PATJ: variants seen among roughly 807,000 people sequenced by gnomAD.
PATJ encodes the protein inaD-like protein.
PATJ carries 190 observed loss-of-function variants against 224.9 expected under a neutral mutation model. The ratio of observed to expected loss-of-function variants is 0.84; its 90% confidence interval spans 0.75 to 0.95. The LOEUF (loss-of-function observed/expected upper bound fraction) is 0.95, where lower values mean the gene tolerates loss of function less well. PATJ is among the 40% of genes least tolerant of loss of function. PATJ has a pLI of 0.00. For missense variants in PATJ, 2,121 were observed against 2,270.3 expected, an observed-to-expected ratio of 0.93 and a Z score of 1.34; for synonymous variants, 769 against 820.3, an observed-to-expected ratio of 0.94 and a Z score of 1.07.
chr1:62,030,398 G>A (rs147304787), intron 29 of PATJ, among the ~76,000 whole-genome samples: 328 of 152,170 alleles, frequency 2.2e-3, no homozygotes, highest in African/African-American at 7.5e-3. Context: ...AAGTTGTTTT[G>A]TATCTTATTT....
Position 61,769,323 on chromosome 1 carries a change from C to G in PATJ, c.425C>G (p.Thr142Ser). 6.2e-7 allele frequency: 1 copy of G among 1,613,720 alleles called. No individual in the cohort carries two copies. Among genetic ancestry groups the G allele is most frequent in the Non-Finnish European group, 8.5e-7 (1 of 1,179,886 alleles). ...TATATAGATATAGAACGGCCTTCAA[C>G]TGGAGGCCTTGGATTCAGTGTGGTG... ...IEYIDIERPS[T>S]GGLGFSVVAL... The change falls in exon 5 of 44, where the codon ACT (threonine) becomes AGT (serine). Residue 142 changes from threonine (T) to serine (S), a missense_variant. Thr to Ser is a moderately conservative substitution (Grantham distance 58). Coordinates refer to ENST00000642238, the MANE Select transcript of PATJ (RefSeq NM_001350145.3).
intron 27 of PATJ, among the ~76,000 whole-genome samples, chr1:61,960,493 C>T (rs909391901): frequency 5.3e-5 from 8 of 151,786 alleles, no homozygotes; most frequent in Admixed American, 1.3e-4. Flanking sequence ...GAAACCCCGT[C>T]TCTACTAAAA....
intron 19 of PATJ, among the ~76,000 whole-genome samples, chr1:61,862,716 T>C (rs1478464586): frequency 6.6e-6 from 1 of 152,286 alleles, no homozygotes; most frequent in Non-Finnish European, 1.5e-5. Flanking sequence ...AGAAGAGTTA[T>C]TTAGTCAAAC....
chr1:61,766,781 C>T (rs1028265551), intron 4 of PATJ, among the ~76,000 whole-genome samples: 1 of 152,202 alleles, frequency 6.6e-6, no homozygotes, highest in Middle Eastern at 3.4e-3. Context: ...TAATTGAACA[C>T]ATCTCTATTC....
At chr1:62,039,949 G>A (rs560041224) in intron 30 of PATJ, among the ~76,000 whole-genome samples, 1 of 151,834 alleles carries the variant, frequency 6.6e-6, no homozygotes, top group South Asian at 2.1e-4. Context: ...GGGGGTGGGG[G>A]CCCATAGAAA....
chr1:61,784,939 G>A (rs988262817), intron 7 of PATJ, among the ~76,000 whole-genome samples: 3 of 151,890 alleles, frequency 2.0e-5, no homozygotes, highest in Non-Finnish European at 1.5e-5. Flanking sequence ...TTGCATTTCC[G>A]CTGCACCACT....
rs573038970 is a variant in PATJ at position 62,149,777 on chromosome 1, C to T, written c.5378+1387C>T. Among the ~76,000 whole-genome samples the T allele has an allele frequency of 5.3e-5, 8 of 150,858 alleles. No homozygotes were observed. In the East Asian group the frequency reaches 1.4e-3, roughly 26 times the overall value. ...AGCTTAAAGGAATTTAAAAATCACT[C>T]ATAATCCCACCACTGCTAACACTGG... On this transcript the variant is annotated intron_variant, in intron 42 of 43. Coordinates refer to ENST00000642238, the MANE Select transcript of PATJ (RefSeq NM_001350145.3).
At chr1:62,136,415 A>G (rs190298058) in intron 41 of PATJ, among the ~76,000 whole-genome samples, 1 of 151,866 alleles carries the variant, frequency 6.6e-6, no homozygotes, top group East Asian at 1.9e-4. Context: ...CTGGACAAAA[A>G]CTTTAAGCAG....
intron 18 of PATJ, among the ~76,000 whole-genome samples, chr1:61,858,713 A>C (rs1557767816): frequency 6.6e-6 from 1 of 152,232 alleles, no homozygotes; most frequent in Non-Finnish European, 1.5e-5. Flanking sequence ...ATTCAATATA[A>C]GATTTTGGCA....
chr1:61,927,196 A>C (rs1675336186), intron 26 of PATJ, among the ~76,000 whole-genome samples: 1 of 152,302 alleles, frequency 6.6e-6, no homozygotes, highest in East Asian at 1.9e-4. Context: ...AAATGTTAAA[A>C]TGTGTGTTGA....
intron 6 of PATJ, among the ~76,000 whole-genome samples, chr1:61,773,658 A>G (rs551478384): frequency 5.3e-5 from 8 of 151,942 alleles, no homozygotes; most frequent in Non-Finnish European, 1.0e-4. Flanking sequence ...GTGGTGGTGC[A>G]TGCTTGTAAT....
At position 61,771,533 on chromosome 1, in the gene PATJ, C is replaced by T. The variant is rs772700037; in HGVS notation, c.627C>T (p.Thr209=). Residue 209 remains threonine (T), a synonymous_variant, in exon 6 of 44, where the codon ACC becomes ACT. Transcript: ENST00000642238. ...HQQAIALLQQ[T]TGSLRLIVAR... ...AAGCAATTGCATTATTACAACAAAC[C>T]ACTGGATCTTTGAGACTGATTGTGG... The T allele has an allele frequency of 6.2e-7, 1 of 1,613,200 alleles. No individual in the cohort carries two copies. The highest frequency in any genetic ancestry group is 1.1e-5 in the South Asian group (1 of 90,924).
intron 41 of PATJ, among the ~76,000 whole-genome samples, chr1:62,130,714 G>A (rs1022233435): frequency 7.9e-5 from 12 of 151,954 alleles, no homozygotes; most frequent in Non-Finnish European, 1.8e-4. Flanking sequence ...AGCCGGGCAT[G>A]GTGGCGGGCG....
chr1:61,993,834 C>T (rs559142950), intron 28 of PATJ, among the ~76,000 whole-genome samples: 60 of 152,222 alleles, frequency 3.9e-4, no homozygotes, highest in South Asian at 1.0e-3. Flanking sequence ...TAGAAACTTC[C>T]GGTATCTGTT....
chr1:61,864,140 T>C, intron 19 of PATJ, 98 bp from the exon 20 acceptor site: 1 of 965,642 alleles, frequency 1.0e-6, no homozygotes, highest in Non-Finnish European at 1.6e-6. Flanking sequence ...CCTTGGCATA[T>C]GCAGTCACGC....
chr1:61,745,637 T>C (rs1208062311), intron 1 of PATJ, among the ~76,000 whole-genome samples: 1 of 152,022 alleles, frequency 6.6e-6, no homozygotes, highest in Non-Finnish European at 1.5e-5. Context: ...GGAGTCTTGC[T>C]CTGTTGCCCA....
chr1:61,766,261 T>C lies in PATJ; in HGVS notation c.190-18T>C, dbSNP rs756169860. The C allele has an allele frequency of 6.8e-6, 10 of 1,468,622 alleles. No homozygotes were observed. The highest frequency in any genetic ancestry group is 1.3e-5 in the South Asian group (1 of 78,464). 91.0% of individuals were successfully genotyped at this position (1,468,622 alleles called of 1,614,324 possible). On this transcript the variant is annotated intron_variant, in intron 3 of 43. Transcript: ENST00000642238. ...TTTCTATAGATTTCTGTTGATTCTT[T>C]TTTTTTCTCTCCAACAGCTCAACCA...
At chr1:62,144,773 A>ATATATATATATATATATATAT (rs1017771263) in intron 41 of PATJ, among the ~76,000 whole-genome samples, 3 of 86,906 alleles carry the variant, frequency 3.5e-5, no homozygotes, top group South Asian at 3.3e-4. Flanking sequence ...TTGCAAAAAA[A>ATATATATATATATATATATAT]AAAAATATAT....
At chr1:62,129,771 T>C (rs1040874946) in intron 41 of PATJ, among the ~76,000 whole-genome samples, 1 of 151,984 alleles carries the variant, frequency 6.6e-6, no homozygotes, top group African/African-American at 2.4e-5. Flanking sequence ...TGAAACCCCG[T>C]CTCTGCTAAA....
Sources: gnomAD v4.1 joint callset for allele counts (sites outside exome capture counted in the v4.1 genomes callset) on GRCh38, gnomAD v4.1.1 for gene constraint, MANE v1.5 for transcripts, NCBI Gene and HGNC (gene_info 2026-07-23, HGNC 2026-07-21) for gene names.